Variants in SLC14A2 observed in about 807,000 individuals in gnomAD.
SLC14A2 encodes the protein urea transporter 2.
Under a neutral mutation model 104.6 loss-of-function variants are expected in SLC14A2, and 91 were observed. That is an observed-to-expected ratio of 0.87 (90% CI 0.73 to 1.04). The LOEUF (loss-of-function observed/expected upper bound fraction) is 1.04, where lower values mean the gene tolerates loss of function less well. SLC14A2 is among the 50% of genes least tolerant of loss of function. The pLI, the probability that SLC14A2 is intolerant of heterozygous loss-of-function variation, is 0.00. For missense variants in SLC14A2, 1,189 were observed against 1,156.0 expected, an observed-to-expected ratio of 1.03 and a Z score of -0.41; for synonymous variants, 476 against 466.4, an observed-to-expected ratio of 1.02 and a Z score of -0.27.
intron 2 of SLC14A2, among the ~76,000 whole-genome samples, chr18:45,488,319 C>G (rs763508404): frequency 6.6e-6 from 1 of 152,102 alleles, no homozygotes; most frequent in Non-Finnish European, 1.5e-5. Flanking sequence ...AACCAACATC[C>G]AAATCCAGGG....
chr18:45,296,029 C>T (rs1341645512), intron 1 of SLC14A2, among the ~76,000 whole-genome samples: 1 of 152,112 alleles, frequency 6.6e-6, no homozygotes, highest in African/African-American at 2.4e-5. Context: ...TATTTTTACT[C>T]TTACTATTTC....
At chr18:45,364,168 C>T (rs2085643629) in intron 1 of SLC14A2, among the ~76,000 whole-genome samples, 1 of 152,208 alleles carries the variant, frequency 6.6e-6, no homozygotes, top group Admixed American at 6.5e-5. Flanking sequence ...TCCTACCACA[C>T]TTTTTGGACA....
the SLC14A2 span, among the ~76,000 whole-genome samples, chr18:45,180,834 T>C: frequency 5.8e-4 from 88 of 152,152 alleles, no homozygotes; most frequent in Non-Finnish European, 9.7e-4. Flanking sequence ...AATCAAACAA[T>C]ATATTTTGCA....
At chr18:45,484,580 G>A (rs2144707919) in intron 2 of SLC14A2, among the ~76,000 whole-genome samples, 1 of 152,240 alleles carries the variant, frequency 6.6e-6, no homozygotes, top group South Asian at 2.1e-4. Flanking sequence ...CCTTCTCATG[G>A]TTAAGGCAAT....
chr18:45,326,455 A>C (rs2085235497), intron 1 of SLC14A2, among the ~76,000 whole-genome samples: 1 of 152,210 alleles, frequency 6.6e-6, no homozygotes, highest in Non-Finnish European at 1.5e-5. Flanking sequence ...CTGATGAAGA[A>C]GAGGAAGGAC....
chr18:45,479,865 G>A (rs900969884), intron 1 of SLC14A2, among the ~76,000 whole-genome samples: 19 of 152,184 alleles, frequency 1.2e-4, no homozygotes, highest in African/African-American at 4.3e-4. Flanking sequence ...ACTCTGTCCG[G>A]ATGTGGCCAG....
chr18:45,530,712 A>G (rs2144830754), intron 2 of SLC14A2, among the ~76,000 whole-genome samples: 1 of 152,204 alleles, frequency 6.6e-6, no homozygotes, highest in African/African-American at 2.4e-5. Context: ...TTTTATTATT[A>G]TTATACTTTA....
intron 2 of SLC14A2, among the ~76,000 whole-genome samples, chr18:45,502,540 A>G (rs1311041113): frequency 1.3e-5 from 2 of 152,212 alleles, no homozygotes; most frequent in African/African-American, 4.8e-5. Context: ...ATCCTCATAT[A>G]TCATAAACAT....
At chr18:45,544,237 C>G (rs2043933096) in intron 2 of SLC14A2, among the ~76,000 whole-genome samples, 1 of 152,234 alleles carries the variant, frequency 6.6e-6, no homozygotes, top group Non-Finnish European at 1.5e-5. Flanking sequence ...GTACCCCACA[C>G]ACAGCTTTCT....
intron 18 of SLC14A2, among the ~76,000 whole-genome samples, chr18:45,678,328 C>T (rs2046259343): frequency 6.6e-6 from 1 of 152,184 alleles, no homozygotes; most frequent in African/African-American, 2.4e-5. Context: ...TAGCTGGGCA[C>T]ACAATAACAC....
intron 1 of SLC14A2, among the ~76,000 whole-genome samples, chr18:45,342,149 G>GAGAAAT (rs1300405922): frequency 2.0e-5 from 3 of 152,122 alleles, no homozygotes; most frequent in African/African-American, 7.2e-5. Flanking sequence ...AACGAGGTTC[G>GAGAAAT]GTATTCGCTA....
intron 1 of SLC14A2, among the ~76,000 whole-genome samples, chr18:45,391,457 G>A (rs1181721849): frequency 2.0e-5 from 3 of 152,120 alleles, no homozygotes; most frequent in African/African-American, 4.8e-5. Flanking sequence ...GGGATGGCTG[G>A]GTCAAATGGT....
In SLC14A2 at chr18:45,321,870, G is replaced by C. The variant is rs78155974; in HGVS notation, c.-125+108679G>C. Among the ~76,000 whole-genome samples, 383 of 152,316 alleles carry C rather than the reference G, an allele frequency of 2.5e-3. 5 individuals are homozygous for C. In the East Asian group the frequency reaches 0.026, roughly 11 times the overall value. Reference sequence around the variant, plus strand: ...TAGGAAGGTGGAGAGGTTTTGGCATGTTCTGTCTGGCTGATTCTGCAGTGC... The same window carrying C: ...TAGGAAGGTGGAGAGGTTTTGGCATCTTCTGTCTGGCTGATTCTGCAGTGC... On this transcript the variant is annotated intron_variant, in intron 1 of 20. Transcript: ENST00000586448.
At chr18:45,329,957 A>C (rs2085272822) in intron 1 of SLC14A2, among the ~76,000 whole-genome samples, 2 of 152,190 alleles carry the variant, frequency 1.3e-5, no homozygotes, top group African/African-American at 4.8e-5. Flanking sequence ...CCATTTATTG[A>C]GGTTATGTTG....
chr18:45,209,349 A>AAACAAC (rs201890560), upstream of SLC14A2, among the ~76,000 whole-genome samples: 4 of 151,340 alleles, frequency 2.6e-5, no homozygotes, highest in East Asian at 3.9e-4. Context: ...TCTCAAAACA[A>AAACAAC]AACAACAACA....
chr18:45,314,844 T>C (rs565205158), intron 1 of SLC14A2, among the ~76,000 whole-genome samples: 1 of 151,562 alleles, frequency 6.6e-6, no homozygotes, highest in South Asian at 2.1e-4. Flanking sequence ...GACACTGGAG[T>C]AGAGTTATAA....
At chr18:45,245,398 C>T (rs1027402425) in intron 1 of SLC14A2, among the ~76,000 whole-genome samples, 1 of 152,230 alleles carries the variant, frequency 6.6e-6, no homozygotes, top group African/African-American at 2.4e-5. Flanking sequence ...TGTCTCTTAT[C>T]ACCATCGCTG....
chr18:45,209,475 A>T (rs2083944338), upstream of SLC14A2, among the ~76,000 whole-genome samples: 1 of 152,116 alleles, frequency 6.6e-6, no homozygotes, highest in Non-Finnish European at 1.5e-5. Context: ...TACATTTTTA[A>T]TTTCTGAAAG....
At position 45,683,093 on chromosome 18, in the gene SLC14A2, CAA is replaced by C. The variant is rs773895190; in HGVS notation, c.*587_*588del. 2.0e-5 allele frequency: 2 copies of C among 100,330 alleles called. No individual in the cohort carries two copies. The highest frequency in any genetic ancestry group is 1.1e-4 in the Admixed American group (1 of 9,340). The allele number at this position is 100,330 out of a possible 1,614,324, so 6.2% of individuals were successfully genotyped here. Reference sequence around the variant, plus strand: ...TGGGCAACGGAGTGAGACTCTGTCTCAAAAAAAAAAAAAAGGGGAAGTCACCA... The same window carrying C: ...TGGGCAACGGAGTGAGACTCTGTCTCAAAAAAAAAAAAGGGGAAGTCACCA... On this transcript the variant is annotated 3_prime_UTR_variant, in exon 20 of 20. Coordinates refer to ENST00000255226, the MANE Select transcript of SLC14A2 (RefSeq NM_007163.4).
Sources: allele counts gnomAD v4.1 joint callset (sites outside exome capture counted in the v4.1 genomes callset), GRCh38; gene constraint gnomAD v4.1.1; transcripts MANE v1.5; gene names NCBI Gene and HGNC (gene_info 2026-07-23, HGNC 2026-07-21).